Variants in CLVS1 observed in about 807,000 individuals in gnomAD.
CLVS1 encodes clavesin 1.
Under a neutral mutation model 33.1 loss-of-function variants are expected in CLVS1, and 10 were observed. That is an observed-to-expected ratio of 0.30 (90% CI 0.19 to 0.51). The LOEUF (loss-of-function observed/expected upper bound fraction) is 0.51. Among genes scored for constraint, CLVS1 ranks in the 20% least tolerant of loss-of-function variants. The pLI, the probability that CLVS1 is intolerant of heterozygous loss-of-function variation, is 0.97. For missense variants in CLVS1, 343 were observed against 433.4 expected, an observed-to-expected ratio of 0.79 and a Z score of 1.85; for synonymous variants, 163 against 166.1, an observed-to-expected ratio of 0.98 and a Z score of 0.14.
intron 2 of CLVS1, among the ~76,000 whole-genome samples, chr8:61,145,853 C>G (rs947612189): frequency 1.3e-5 from 2 of 152,146 alleles, no homozygotes; most frequent in Non-Finnish European, 2.9e-5. Flanking sequence ...TGCATTTGAT[C>G]TCATCATAAT....
At chr8:61,241,167 A>G (rs900643850) in intron 2 of CLVS1, among the ~76,000 whole-genome samples, 3 of 152,144 alleles carry the variant, frequency 2.0e-5, no homozygotes, top group African/African-American at 7.2e-5. Context: ...TGCATTTTGG[A>G]GGTATACAAA....
intron 2 of CLVS1, among the ~76,000 whole-genome samples, chr8:61,220,676 G>GT (rs1464267912): frequency 2.0e-5 from 3 of 151,768 alleles, no homozygotes; most frequent in African/African-American, 4.8e-5. Flanking sequence ...ATTTAAGATA[G>GT]TTTTTTCTAA....
chr8:61,220,826 C>T lies in CLVS1; in HGVS notation c.-151-78851C>T, dbSNP rs182004290. The stretch of plus-strand genomic sequence containing the variant: ...GTTTTTCCATTTGTTTCTGTCCTCT[C>T]TTATTTCCTTGAGCATTGATTTGTA... On this transcript the variant is annotated intron_variant, in intron 2 of 2. Coordinates refer to the CLVS1 transcript ENST00000522621. 9.5e-4 allele frequency among the ~76,000 whole-genome samples: 144 copies of T among 152,178 alleles called. 1 individual carries two copies. Among genetic ancestry groups the T allele is most frequent in the African/African-American group, 2.7e-3 (113 of 41,516 alleles).
chr8:61,298,330 A>G (rs1016364451), intron 1 of CLVS1, among the ~76,000 whole-genome samples: 2 of 152,196 alleles, frequency 1.3e-5, no homozygotes, highest in East Asian at 1.9e-4. Flanking sequence ...TGTTTCTTAG[A>G]GAACATCACA....
intron 1 of CLVS1, among the ~76,000 whole-genome samples, chr8:61,295,269 A>G (rs1454078624): frequency 6.6e-6 from 1 of 152,202 alleles, no homozygotes; most frequent in Non-Finnish European, 1.5e-5. Context: ...CATCAAGCAC[A>G]TTTCAGTGCT....
the CLVS1 span, among the ~76,000 whole-genome samples, chr8:60,980,508 G>A: frequency 2.6e-5 from 4 of 152,322 alleles, no homozygotes; most frequent in South Asian, 2.1e-4. Flanking sequence ...AAAAGGGGCC[G>A]GGTGGGATAG....
chr8:61,316,322 T>C (rs1811008115), intron 2 of CLVS1, among the ~76,000 whole-genome samples: 1 of 152,208 alleles, frequency 6.6e-6, no homozygotes, highest in Non-Finnish European at 1.5e-5. Flanking sequence ...TGCGAATACA[T>C]GAATCTGTTG....
chr8:61,021,857 T>C, the CLVS1 span, among the ~76,000 whole-genome samples: 33 of 152,182 alleles, frequency 2.2e-4, no homozygotes, highest in Admixed American at 2.0e-3. Context: ...ATAGTTATTA[T>C]AGTTTTTCAG....
intron 2 of CLVS1, among the ~76,000 whole-genome samples, chr8:61,175,722 G>A (rs950470411): frequency 6.6e-6 from 1 of 152,180 alleles, no homozygotes; most frequent in Non-Finnish European, 1.5e-5. Flanking sequence ...CAGAAGCTAG[G>A]AGAAGTGAGA....
intron 4 of CLVS1, among the ~76,000 whole-genome samples, chr8:61,456,427 A>G (rs77989048): frequency 6.6e-6 from 1 of 152,168 alleles, no homozygotes; most frequent in Non-Finnish European, 1.5e-5. Flanking sequence ...ATTAAAATTC[A>G]GTCATACTCA....
At chr8:61,110,131 C>G (rs575291984) in intron 1 of CLVS1, among the ~76,000 whole-genome samples, 14 of 152,160 alleles carry the variant, frequency 9.2e-5, no homozygotes, top group Admixed American at 7.2e-4. Flanking sequence ...TTGGCTGAAT[C>G]GGAGCTGTCT....
chr8:61,333,899 A>ATG (rs1378854243), intron 2 of CLVS1, among the ~76,000 whole-genome samples: 1 of 151,896 alleles, frequency 6.6e-6, no homozygotes, highest in Non-Finnish European at 1.5e-5. Flanking sequence ...GTTCTCCTCC[A>ATG]TGTGTCCATG....
At chr8:61,224,491 C>T (rs954518236) in intron 2 of CLVS1, among the ~76,000 whole-genome samples, 1 of 152,120 alleles carries the variant, frequency 6.6e-6, no homozygotes, top group Non-Finnish European at 1.5e-5. Context: ...GATTCACTTC[C>T]GTGTCTGGAG....
chr8:61,024,526 C>T, the CLVS1 span, among the ~76,000 whole-genome samples: 1 of 152,144 alleles, frequency 6.6e-6, no homozygotes, highest in Non-Finnish European at 1.5e-5. Context: ...CCAAGAAATT[C>T]CTTTTCTTCT....
intron 3 of CLVS1, among the ~76,000 whole-genome samples, chr8:61,398,848 A>G (rs574840078): frequency 3.3e-5 from 5 of 152,308 alleles, no homozygotes; most frequent in African/African-American, 1.2e-4. Flanking sequence ...AATGGCTTCC[A>G]GCTCCATCCA....
Position 61,232,514 on chromosome 8 carries a change from C to G in CLVS1, c.-151-67163C>G, listed in dbSNP as rs1258229441. Among the ~76,000 whole-genome samples, 3 of 152,094 alleles carry G rather than the reference C, an allele frequency of 2.0e-5. 1 individual carries two copies. The highest frequency in any genetic ancestry group is 2.9e-5 in the Non-Finnish European group (2 of 68,028). On this transcript the variant is annotated intron_variant, in intron 2 of 2. Coordinates refer to the CLVS1 transcript ENST00000522621. The stretch of plus-strand genomic sequence containing the variant: ...CAAAATAAAATCTTATGTAACTCCC[C>G]AAATCTCCAAACTAGTTTCCTTCCT...
At chr8:61,332,824 G>A (rs1023040065) in intron 2 of CLVS1, among the ~76,000 whole-genome samples, 4 of 151,904 alleles carry the variant, frequency 2.6e-5, no homozygotes, top group Non-Finnish European at 5.9e-5. Flanking sequence ...TAGTAAAGAC[G>A]GTGTTTCACC....
chr8:61,235,608 A>G (rs1401261089), intron 2 of CLVS1, among the ~76,000 whole-genome samples: 1 of 152,216 alleles, frequency 6.6e-6, no homozygotes, highest in Non-Finnish European at 1.5e-5. Context: ...TAGAAAGTAG[A>G]GACTAGTAGG....
chr8:61,151,328 G>A (rs1806530442), intron 2 of CLVS1, among the ~76,000 whole-genome samples: 1 of 152,148 alleles, frequency 6.6e-6, no homozygotes, highest in African/African-American at 2.4e-5. Flanking sequence ...TTATTTATAG[G>A]CCCTTGGGCT....
Sources: allele counts gnomAD v4.1 joint callset (sites outside exome capture counted in the v4.1 genomes callset), GRCh38; gene constraint gnomAD v4.1.1; transcripts MANE v1.5; gene names NCBI Gene and HGNC (gene_info 2026-07-23, HGNC 2026-07-21).